LYRM4: variants seen among roughly 807,000 people sequenced by gnomAD.
LYRM4 encodes LYR motif-containing protein 4.
A neutral mutation model predicts 11.7 loss-of-function variants in LYRM4; 9 were observed. The ratio of observed to expected loss-of-function variants is 0.77; its 90% CI spans 0.46 to 1.34. The LOEUF (loss-of-function observed/expected upper bound fraction) is 1.34. Among genes scored for constraint, LYRM4 ranks in the 40% most tolerant of loss-of-function variants. The pLI is 0.00. For synonymous variants in LYRM4, 42 were observed against 40.4 expected (o/e 1.04, Z -0.15); for missense variants, 133 against 112.5 (o/e 1.18, Z -0.82).
At position 5,143,769 on chromosome 6, in the gene LYRM4, A is replaced by AGAGCAAGAATTAACAGCAT. The variant is rs549302607; in HGVS notation, c.208-34297_208-34279dup. ...AAAGGCTGCGGGAACAAAAAATACC[A>AGAGCAAGAATTAACAGCAT]GAGCAAGAATTAACAGCATGAGAAA... On this transcript the variant is annotated intron_variant, in intron 2 of 2. Transcript: ENST00000330636. 3.0e-3 allele frequency among the ~76,000 whole-genome samples: 455 copies of AGAGCAAGAATTAACAGCAT among 152,356 alleles called. 4 individuals carry two copies. The highest frequency in any genetic ancestry group is 0.014 in the Middle Eastern group (4 of 294).
chr6:5,156,036 A>G (rs188204253), intron 2 of LYRM4, among the ~76,000 whole-genome samples: 1 of 152,354 alleles, frequency 6.6e-6, no homozygotes, highest in Non-Finnish European at 1.5e-5. Context: ...CTGTTATTCA[A>G]CAGTCATTTT....
chr6:5,120,608 T>G (rs1763403611), intron 2 of LYRM4, among the ~76,000 whole-genome samples: 1 of 152,196 alleles, frequency 6.6e-6, no homozygotes, highest in African/African-American at 2.4e-5. Context: ...TTCCCTTATT[T>G]GTCTCTGCCC....
the LYRM4 span, among the ~76,000 whole-genome samples, chr6:5,056,205 A>G: frequency 6.6e-6 from 1 of 152,204 alleles, no homozygotes; most frequent in Admixed American, 6.5e-5. Flanking sequence ...GCTTTTTAAA[A>G]AACAGTTGGA....
chr6:5,184,876 T>C (rs992837780), intron 2 of LYRM4, among the ~76,000 whole-genome samples: 3 of 152,190 alleles, frequency 2.0e-5, no homozygotes, highest in Non-Finnish European at 4.4e-5. Context: ...TGGAAGAACA[T>C]ATCCTCATCA....
At chr6:5,101,968 C>CTTTTGTTTTTTTTTTTTTTTTT (rs1762514175), downstream of LYRM4, among the ~76,000 whole-genome samples, 1 of 67,988 alleles carries the variant, frequency 1.5e-5, no homozygotes, top group Admixed American at 2.0e-4. Flanking sequence ...CTAATGCTTT[C>CTTTTGTTTTTTTTTTTTTTTTT]TTTTTTTTTT....
chr6:5,094,022 T>C, the LYRM4 span, among the ~76,000 whole-genome samples: 3 of 152,210 alleles, frequency 2.0e-5, no homozygotes, highest in Non-Finnish European at 4.4e-5. Flanking sequence ...CCAAAGTGTC[T>C]GACTTAACTG....
intron 1 of LYRM4, among the ~76,000 whole-genome samples, chr6:5,220,294 T>C (rs1762510960): frequency 6.6e-6 from 1 of 152,194 alleles, no homozygotes; most frequent in South Asian, 2.1e-4. Flanking sequence ...CTCTGAGCAC[T>C]TGGAGGCTCA....
At chr6:5,164,814 A>G (rs367680727) in intron 2 of LYRM4, among the ~76,000 whole-genome samples, 13 of 152,180 alleles carry the variant, frequency 8.5e-5, no homozygotes, top group African/African-American at 3.1e-4. Flanking sequence ...CTAAAAATTT[A>G]AAAATTAGCT....
chr6:5,089,287 A>G, the LYRM4 span: 1 of 152,232 alleles, frequency 6.6e-6, no homozygotes, highest in Non-Finnish European at 1.5e-5. Flanking sequence ...GGTCTGATAT[A>G]CCATTTCTTA....
At chr6:5,237,659 T>C (rs1010886787) in intron 1 of LYRM4, among the ~76,000 whole-genome samples, 2 of 152,152 alleles carry the variant, frequency 1.3e-5, no homozygotes, top group African/African-American at 4.8e-5. Context: ...AACTGAGCAC[T>C]ACTTATGAAG....
At chr6:5,229,697 G>A (rs890986071) in intron 1 of LYRM4, among the ~76,000 whole-genome samples, 1 of 152,128 alleles carries the variant, frequency 6.6e-6, no homozygotes, top group Non-Finnish European at 1.5e-5. Flanking sequence ...TGAAATTTAT[G>A]TGCAAAAAAA....
chr6:5,070,222 C>G, the LYRM4 span, among the ~76,000 whole-genome samples: 31 of 152,248 alleles, frequency 2.0e-4, no homozygotes, highest in African/African-American at 6.7e-4. Flanking sequence ...AAGCCAGACT[C>G]TAGGAAACTT....
At chr6:5,132,747 C>T (rs1246916524) in intron 2 of LYRM4, 1 of 152,236 alleles carries the variant, frequency 6.6e-6, no homozygotes, top group South Asian at 2.1e-4. Context: ...GAGCCGTAAA[C>T]CCCTTGCCCA....
the LYRM4 span, chr6:5,034,443 G>A: frequency 6.6e-6 from 1 of 152,284 alleles, no homozygotes; most frequent in African/African-American, 2.4e-5. Context: ...CGGTGTTTGG[G>A]TTATGGAATC....
intron 2 of LYRM4, among the ~76,000 whole-genome samples, chr6:5,171,713 T>A (rs1759437851): frequency 1.3e-5 from 2 of 152,326 alleles, no homozygotes; most frequent in African/African-American, 4.8e-5. Context: ...CCTCTTTCTG[T>A]GGCGAAAACC....
At chr6:5,148,518 G>GTGGGGCAGAGTCAGGACTCT (rs1554131022) in intron 2 of LYRM4, among the ~76,000 whole-genome samples, 1 of 54,384 alleles carries the variant, frequency 1.8e-5, no homozygotes, top group Non-Finnish European at 3.9e-5. Context: ...AGCTGGGCTG[G>GTGGGGCAGAGTCAGGACTCT]GTATACGCCT....
chr6:5,063,800 G>T, the LYRM4 span, among the ~76,000 whole-genome samples: 2 of 152,184 alleles, frequency 1.3e-5, no homozygotes, highest in Non-Finnish European at 2.9e-5. Flanking sequence ...TCTTCAGGCT[G>T]CCCCGGTTCC....
chr6:5,200,067 G>C (rs981840324), intron 2 of LYRM4, among the ~76,000 whole-genome samples: 4 of 152,236 alleles, frequency 2.6e-5, no homozygotes, highest in Non-Finnish European at 5.9e-5. Flanking sequence ...CCTGAAAGGA[G>C]AGAAGGTGTA....
the LYRM4 span, among the ~76,000 whole-genome samples, chr6:5,048,134 A>G: frequency 6.6e-6 from 1 of 152,234 alleles, no homozygotes; most frequent in African/African-American, 2.4e-5. Context: ...TTCGTATTCT[A>G]AGATTTGTAT....
Sources: allele counts gnomAD v4.1 joint callset (sites outside exome capture counted in the v4.1 genomes callset), GRCh38; gene constraint gnomAD v4.1.1; transcripts MANE v1.5; gene names NCBI Gene and HGNC (gene_info 2026-07-23, HGNC 2026-07-21).